The following GFRA2 variants were observed in gnomAD, a reference collection of about 807,000 sequenced individuals.
GFRA2 encodes GDNF family receptor alpha 2.
In GFRA2, 17 loss-of-function variants were observed where a neutral mutation model predicts 48.3. The ratio of observed to expected loss-of-function variants is 0.35; its 90% CI spans 0.24 to 0.53. The LOEUF (loss-of-function observed/expected upper bound fraction) is 0.53, where lower values mean the gene tolerates loss of function less well. Ranked by LOEUF, GFRA2 falls within the 20% of genes least tolerant of loss-of-function variation. GFRA2 has a pLI of 0.93. For synonymous variants in GFRA2, 305 were observed against 257.2 expected (o/e 1.19, Z -1.78); for missense variants, 660 against 637.3 (o/e 1.04, Z -0.38).
chr8:21,746,429 G>A (rs1390687996), intron 4 of GFRA2, among the ~76,000 whole-genome samples: 1 of 152,108 alleles, frequency 6.6e-6, no homozygotes, highest in African/African-American at 2.4e-5. Context: ...TGGGAGATAG[G>A]GAAAGAGGGA....
intron 4 of GFRA2, among the ~76,000 whole-genome samples, chr8:21,727,467 C>T (rs1563231186): frequency 1.3e-5 from 2 of 152,240 alleles, no homozygotes; most frequent in African/African-American, 2.4e-5. Context: ...CCTCCAAGCG[C>T]TCTGCCAGGG....
intron 6 of GFRA2, 85 bp downstream of exon 6, chr8:21,704,900 C>T: frequency 9.4e-7 from 1 of 1,067,866 alleles, no homozygotes; most frequent in South Asian, 1.3e-5. Flanking sequence ...CAGCCATCCC[C>T]ACGGAAGGAG....
intron 4 of GFRA2, among the ~76,000 whole-genome samples, chr8:21,727,953 G>A (rs1340597922): frequency 6.6e-6 from 1 of 152,150 alleles, no homozygotes; most frequent in Admixed American, 6.5e-5. Context: ...TTCAGCCCAG[G>A]CACACTCCTT....
intron 4 of GFRA2, among the ~76,000 whole-genome samples, chr8:21,726,720 T>A (rs934503893): frequency 6.6e-6 from 1 of 151,864 alleles, no homozygotes; most frequent in Non-Finnish European, 1.5e-5. Flanking sequence ...TGTGGTATGA[T>A]CTTATCTTAA....
At chr8:21,771,262 C>T (rs1806424835) in intron 3 of GFRA2, among the ~76,000 whole-genome samples, 1 of 152,178 alleles carries the variant, frequency 6.6e-6, no homozygotes, top group African/African-American at 2.4e-5. Context: ...GCTCAAGGCC[C>T]GTGCTCTTCC....
At chr8:21,777,290 C>A (rs1426979719) in intron 2 of GFRA2, among the ~76,000 whole-genome samples, 2 of 152,136 alleles carry the variant, frequency 1.3e-5, no homozygotes, top group African/African-American at 4.8e-5. Context: ...TTCCCAAGAT[C>A]AGTCTTCTGT....
intron 3 of GFRA2, among the ~76,000 whole-genome samples, chr8:21,767,602 G>A (rs1806238239): frequency 6.6e-6 from 1 of 152,250 alleles, no homozygotes; most frequent in Non-Finnish European, 1.5e-5. Flanking sequence ...GAGCAGCACA[G>A]AGCAGGGGCG....
At position 21,768,195 on chromosome 8, in the gene GFRA2, G is replaced by C. The variant is rs1028961881; in HGVS notation, c.439+6777C>G. 7.9e-5 allele frequency among the ~76,000 whole-genome samples: 12 copies of C among 152,350 alleles called. No homozygotes were observed. In the East Asian group the frequency reaches 2.1e-3, roughly 27 times the overall value. ...CAGCTGAATTCTCCCTGAAAGGGGA[G>C]GTGTCGGAGGTGACAGAGCTGCAGC... On this transcript the variant is annotated intron_variant, in intron 3 of 8. Coordinates refer to ENST00000524240, the MANE Select transcript of GFRA2 (RefSeq NM_001495.5).
intron 3 of GFRA2, among the ~76,000 whole-genome samples, chr8:21,757,587 A>T (rs763132445): frequency 6.6e-6 from 1 of 150,578 alleles, no homozygotes; most frequent in Non-Finnish European, 1.5e-5. Flanking sequence ...ACTGCCTCCC[A>T]GGTTCAGGCG....
chr8:21,734,383 C>T (rs894949231), intron 4 of GFRA2, among the ~76,000 whole-genome samples: 1 of 152,268 alleles, frequency 6.6e-6, no homozygotes, highest in African/African-American at 2.4e-5. Flanking sequence ...ACCCAACATG[C>T]AGACCTTTCT....
At chr8:21,719,318 CCTT>C (rs1447712130) in intron 4 of GFRA2, among the ~76,000 whole-genome samples, 5 of 152,136 alleles carry the variant, frequency 3.3e-5, no homozygotes, top group Non-Finnish European at 7.3e-5. Context: ...ACATCCTTCT[CCTT>C]GAGACCGCCA....
upstream of GFRA2, among the ~76,000 whole-genome samples, chr8:21,792,506 C>A (rs77130515): frequency 0.012 from 1,812 of 152,270 alleles, 52 homozygotes; most frequent in East Asian, 0.11. Flanking sequence ...GCAGGGCCAA[C>A]GGCTGTGGGG....
intron 2 of GFRA2, among the ~76,000 whole-genome samples, chr8:21,775,365 C>G (rs1806643842): frequency 6.6e-6 from 1 of 152,232 alleles, no homozygotes; most frequent in Admixed American, 6.5e-5. Context: ...GAAGGACTTG[C>G]AGGTGCATCT....
intron 3 of GFRA2, among the ~76,000 whole-genome samples, chr8:21,758,817 C>A (rs1442150051): frequency 6.6e-6 from 1 of 152,090 alleles, no homozygotes; most frequent in African/African-American, 2.4e-5. Context: ...AGCCACAGGT[C>A]CACCGTGGCA....
chr8:21,705,842 C>T (rs529143940), intron 5 of GFRA2, 90 bp downstream of exon 5: 30 of 800,394 alleles, frequency 3.7e-5, no homozygotes, highest in African/African-American at 3.6e-4. Context: ...CTGTCTCCCC[C>T]AGCTGGCCCT....
At chr8:21,793,077 GAGAA>G (rs1268824085), upstream of GFRA2, among the ~76,000 whole-genome samples, 14 of 151,906 alleles carry the variant, frequency 9.2e-5, no homozygotes, top group Non-Finnish European at 2.1e-4. Flanking sequence ...AAAAAAAAAA[GAGAA>G]AGTTCTCAGG....
intron 3 of GFRA2, among the ~76,000 whole-genome samples, chr8:21,752,667 A>G (rs1317167456): frequency 4.6e-5 from 7 of 151,372 alleles, no homozygotes; most frequent in Admixed American, 4.6e-4. Flanking sequence ...CCAACTCAAC[A>G]CCTCTAGCTG....
intron 4 of GFRA2, among the ~76,000 whole-genome samples, chr8:21,720,411 C>T (rs184893740): frequency 6.4e-4 from 97 of 152,256 alleles, no homozygotes; most frequent in Middle Eastern, 6.8e-3. Flanking sequence ...GAAGAGTAAC[C>T]GAGATTCCCA....
chr8:21,704,866 G>A, intron 6 of GFRA2, 119 bp downstream of exon 6: 1 of 812,078 alleles, frequency 1.2e-6, no homozygotes, highest in Non-Finnish European at 2.0e-6. Flanking sequence ...AACACCCATG[G>A]CGGAGAAGCC....
Sources: allele counts gnomAD v4.1 joint callset (sites outside exome capture counted in the v4.1 genomes callset), GRCh38; gene constraint gnomAD v4.1.1; transcripts MANE v1.5; gene names NCBI Gene and HGNC (gene_info 2026-07-23, HGNC 2026-07-21).